Variants in TUBB6 observed in about 807,000 individuals in gnomAD.
TUBB6 encodes the protein tubulin beta-6 chain.
In TUBB6, 18 loss-of-function variants were observed where a neutral mutation model predicts 32.3. That is an observed-to-expected ratio of 0.56 (90% CI 0.39 to 0.83). The LOEUF is 0.83. Ranked by LOEUF, TUBB6 falls within the 40% of genes least tolerant of loss-of-function variation. The pLI, the probability that TUBB6 is intolerant of heterozygous loss-of-function variation, is 0.00. For synonymous variants in TUBB6, 280 were observed against 265.8 expected (o/e 1.05, Z -0.52); for missense variants, 480 against 632.0 (o/e 0.76, Z 2.58).
In TUBB6 at chr18:12,319,759, A is replaced by G. The variant is rs552735460; in HGVS notation, c.278-5308A>G. On this transcript the variant is annotated intron_variant, in intron 3 of 3. Coordinates refer to ENST00000317702, the MANE Select transcript of TUBB6 (RefSeq NM_032525.3). ...ACTTGAGTTCAAAAGTTTAAGACCA[A>G]CATGGACAACATAAGGGGACCCTCT... 2.0e-5 allele frequency among the ~76,000 whole-genome samples: 3 copies of G among 152,130 alleles called. No individual in the cohort carries two copies. The East Asian group carries it at 5.8e-4, about 30-fold the overall frequency.
chr18:12,317,392 G>T (rs1906732025), intron 3 of TUBB6, among the ~76,000 whole-genome samples: 1 of 152,058 alleles, frequency 6.6e-6, no homozygotes, highest in Admixed American at 6.6e-5. Context: ...AGCTAGGGAG[G>T]TTGAGGCTGA....
Position 12,308,246 on chromosome 18 carries a change from C to T in TUBB6, c.-47C>T, listed in dbSNP as rs8086821. On this transcript the variant is annotated 5_prime_UTR_variant, in exon 1 of 4. Coordinates refer to ENST00000317702, the MANE Select transcript of TUBB6 (RefSeq NM_032525.3). ...GACGCGCGCAGCCGGCCCGCAGTTGCCGCTGTCGTCCGCAGAGCCAGTTCC... is the reference window on the plus strand; with the variant it reads ...GACGCGCGCAGCCGGCCCGCAGTTGTCGCTGTCGTCCGCAGAGCCAGTTCC... The T allele has an allele frequency of 0.76, 1,030,353 of 1,347,228 alleles. 398,993 individuals carry two copies. Among genetic ancestry groups the T allele is most frequent in the Non-Finnish European group, 0.79 (822,311 of 1,039,460 alleles). The allele number at this position is 1,347,228 out of a possible 1,614,324, so 83.5% of individuals were successfully genotyped here. A position where few individuals can be genotyped will look rare whatever the true frequency, so the allele number is the denominator to read the frequency against.
At chr18:12,329,128 T>A (rs951081800), downstream of TUBB6, 2 of 702,884 alleles carry the variant, frequency 2.8e-6, no homozygotes, top group Non-Finnish European at 5.2e-6. Context: ...TTATCAAGAC[T>A]CCAATTTAAT....
At chr18:12,314,235 AC>A (rs200225445) in intron 3 of TUBB6, among the ~76,000 whole-genome samples, 21 of 150,800 alleles carry the variant, frequency 1.4e-4, no homozygotes, top group Admixed American at 6.6e-4. Flanking sequence ...GAAATGAAGG[AC>A]CCCCCCCAAG....
In TUBB6 at chr18:12,326,230, A is replaced by G; in HGVS notation, c.*100A>G. ...TGGCCCTGAATGGTGCACTGGTTTA[A>G]TTGTGTTGGTGTCGGCCCCTCACAA... On this transcript the variant is annotated 3_prime_UTR_variant, in exon 4 of 4. Coordinates refer to ENST00000317702, the MANE Select transcript of TUBB6 (RefSeq NM_032525.3). 6.8e-7 allele frequency: 1 copy of G among 1,462,098 alleles called. No homozygotes were observed. The highest frequency in any genetic ancestry group is 9.1e-7 in the Non-Finnish European group (1 of 1,104,230). The allele number at this position is 1,462,098 out of a possible 1,614,324, so 90.6% of individuals were successfully genotyped here. A position where few individuals can be genotyped will look rare whatever the true frequency, so the allele number is the denominator to read the frequency against.
At position 12,325,410 on chromosome 18, in the gene TUBB6, C is replaced by T. The variant is rs780101902; in HGVS notation, c.621C>T (p.Leu207=). The change falls in exon 4 of 4, where the codon CTC becomes CTT. Residue 207 remains leucine, a synonymous_variant. Coordinates refer to ENST00000317702, the MANE Select transcript of TUBB6 (RefSeq NM_032525.3). ...CCTACTGCATCGACAACGAGGCGCT[C>T]TATGACATCTGCTTCCGCACTCTGA... ...DETYCIDNEA[L]YDICFRTLKL... is the part of the protein sequence containing the mutation. The T allele has an allele frequency of 6.2e-7, 1 of 1,614,240 alleles. No individual in the cohort carries two copies. Among genetic ancestry groups the T allele is most frequent in the East Asian group, 2.2e-5 (1 of 44,874 alleles).
chr18:12,325,587 C>T lies in TUBB6; in HGVS notation c.798C>T (p.Phe266=), dbSNP rs1181038927. 2 of 1,613,884 alleles carry T rather than the reference C, an allele frequency of 1.2e-6. No individual in the cohort carries two copies. The highest frequency in any genetic ancestry group is 1.7e-6 in the Non-Finnish European group (2 of 1,180,018). Residue 266 remains phenylalanine (F), a synonymous_variant, in exon 4 of 4, where the codon TTC becomes TTT. Transcript: ENST00000317702. ...TGCCCTTCCCGCGCCTGCACTTCTT[C>T]ATGCCTGGCTTCGCGCCGCTCACCA... The part of the protein sequence containing the change: ...NMVPFPRLHF[F]MPGFAPLTSR...
downstream of TUBB6, chr18:12,329,168 G>C (rs760718826): frequency 4.3e-6 from 3 of 702,994 alleles, no homozygotes; most frequent in South Asian, 3.0e-5. Context: ...GGGGAACTGA[G>C]GAGAAACAGG....
intron 3 of TUBB6, among the ~76,000 whole-genome samples, chr18:12,319,779 C>A (rs949765582): frequency 3.3e-5 from 5 of 151,928 alleles, no homozygotes; most frequent in Non-Finnish European, 5.9e-5. Flanking sequence ...CATAAGGGGA[C>A]CCTCTCTACA....
downstream of TUBB6, among the ~76,000 whole-genome samples, chr18:12,326,871 C>G (rs201493437): frequency 9.2e-5 from 14 of 152,280 alleles, no homozygotes; most frequent in East Asian, 2.7e-3. Context: ...TGTAGGGGAA[C>G]AAACAGCCCC....
At chr18:12,309,497 A>G (rs569399652) in intron 2 of TUBB6, among the ~76,000 whole-genome samples, 1 of 147,594 alleles carries the variant, frequency 6.8e-6, no homozygotes, top group South Asian at 2.2e-4. Context: ...GGTCCCTTGC[A>G]GACCTCTAAA....
chr18:12,313,834 A>G (rs1906522401), intron 3 of TUBB6, among the ~76,000 whole-genome samples: 1 of 152,204 alleles, frequency 6.6e-6, no homozygotes. Flanking sequence ...GAGATTGCAG[A>G]TTGGCCTCCA....
At position 12,325,216 on chromosome 18, in the gene TUBB6, A is replaced by T; in HGVS notation, c.427A>T (p.Thr143Ser). 2 of 1,614,126 alleles carry T rather than the reference A, an allele frequency of 1.2e-6. No homozygotes were observed. Among genetic ancestry groups the T allele is most frequent in the Non-Finnish European group, 1.7e-6 (2 of 1,180,010 alleles). Residue 143 changes from threonine (T) to serine (S), a missense_variant, in exon 4 of 4, where the codon ACG becomes TCG. Coordinates refer to ENST00000317702, the MANE Select transcript of TUBB6 (RefSeq NM_032525.3). ...FQLTHSLGGG[T>S]GSGMGTLLIS... ...GCTCACGCACTCGCTGGGCGGCGGCACGGGCTCAGGCATGGGCACGCTGCT... is the reference window on the plus strand; with the variant it reads ...GCTCACGCACTCGCTGGGCGGCGGCTCGGGCTCAGGCATGGGCACGCTGCT...
chr18:12,326,887 G>T (rs1280355616), downstream of TUBB6, among the ~76,000 whole-genome samples: 1 of 152,118 alleles, frequency 6.6e-6, no homozygotes, highest in Admixed American at 6.6e-5. Flanking sequence ...GCCCCAAAAG[G>T]CCTCCGGACA....
At position 12,310,838 on chromosome 18, in the gene TUBB6, G is replaced by T. The variant is rs1906335881; in HGVS notation, c.167-105G>T. ...CTGTACCCTTTCTGAAAAGACCCTG[G>T]TTGATCCATTCCAGGCAGCTAGAAC... On this transcript the variant is annotated intron_variant, in intron 2 of 3. Transcript: ENST00000317702. The T allele has an allele frequency of 5.7e-6, 4 of 704,146 alleles. No individual in the cohort carries two copies. In the East Asian group the frequency reaches 1.2e-4, roughly 21 times the overall value. The allele number at this position is 704,146 out of a possible 1,614,324, so 43.6% of individuals were successfully genotyped here.
intron 3 of TUBB6, among the ~76,000 whole-genome samples, chr18:12,318,618 A>G (rs763206331): frequency 4.6e-4 from 70 of 151,996 alleles, no homozygotes; most frequent in Admixed American, 1.9e-3. Flanking sequence ...AGAAAGGCTG[A>G]GCTGATTTCT....
Position 12,310,285 on chromosome 18 carries a change from C to G in TUBB6, c.167-658C>G, listed in dbSNP as rs571179836. ...TGGGCAGATCACAAGGTCAGGAGAT[C>G]GAGACCATCCTGGCTAACACGGTGA... On this transcript the variant is annotated intron_variant, in intron 2 of 3. Transcript: ENST00000317702. 7.9e-5 allele frequency among the ~76,000 whole-genome samples: 12 copies of G among 151,964 alleles called. No homozygotes were observed. The South Asian group carries it at 1.9e-3, about 24-fold the overall frequency.
At chr18:12,311,152 G>A in intron 3 of TUBB6, 99 bp downstream of exon 3, 1 of 1,078,016 alleles carries the variant, frequency 9.3e-7, no homozygotes, top group Non-Finnish European at 1.3e-6. Context: ...TAGAAAAAGT[G>A]TGAATGGAAA....
chr18:12,324,255 G>A (rs1267588121), intron 3 of TUBB6, among the ~76,000 whole-genome samples: 1 of 151,378 alleles, frequency 6.6e-6, no homozygotes, highest in African/African-American at 2.4e-5. Flanking sequence ...CTGTAGTCCC[G>A]GCTACACGGG....
Sources: gnomAD v4.1 joint callset for allele counts (sites outside exome capture counted in the v4.1 genomes callset) on GRCh38, gnomAD v4.1.1 for gene constraint, MANE v1.5 for transcripts, NCBI Gene and HGNC (gene_info 2026-07-23, HGNC 2026-07-21) for gene names.